PRELID2: variants seen among roughly 807,000 people sequenced by gnomAD.
The protein encoded by PRELID2 is PRELI domain containing 2, also known as PRELI domain-containing protein 2.
PRELID2 carries 25 observed loss-of-function variants against 28.4 expected under a neutral mutation model. That is an observed-to-expected ratio of 0.88 (90% CI 0.64 to 1.23). The LOEUF is 1.23. PRELID2 is among the 50% of genes most tolerant of loss of function. The pLI is 0.00. For missense variants in PRELID2, 201 were observed against 214.4 expected (o/e 0.94, Z 0.39); for synonymous variants, 76 against 71.6 (o/e 1.06, Z -0.31).
At chr5:145,361,333 T>C in the PRELID2 span, among the ~76,000 whole-genome samples, 3 of 152,144 alleles carry the variant, frequency 2.0e-5, no homozygotes, top group Non-Finnish European at 2.9e-5. Flanking sequence ...AGGCAGATAA[T>C]AGCAAGGCTG....
chr5:145,517,758 T>C (rs183460380), intron 1 of PRELID2, among the ~76,000 whole-genome samples: 3 of 152,198 alleles, frequency 2.0e-5, no homozygotes, highest in East Asian at 3.9e-4. Flanking sequence ...CCATCAGTAA[T>C]AGACTGGATA....
At chr5:145,566,014 C>T (rs1376321891) in intron 1 of PRELID2, among the ~76,000 whole-genome samples, 1 of 152,178 alleles carries the variant, frequency 6.6e-6, no homozygotes, top group African/African-American at 2.4e-5. Flanking sequence ...TGGTTAAGGA[C>T]TAAGAAGTGG....
chr5:145,408,465 A>ACATATATATGTATAATATATATGTATAT, the PRELID2 span, among the ~76,000 whole-genome samples: 1 of 142,590 alleles, frequency 7.0e-6, no homozygotes, highest in Non-Finnish European at 1.5e-5. Flanking sequence ...TATATGTATA[A>ACATATATATGTATAATATATATGTATAT]TATATATATG....
chr5:145,265,322 CACAA>C, the PRELID2 span, among the ~76,000 whole-genome samples: 2 of 152,082 alleles, frequency 1.3e-5, no homozygotes, highest in Non-Finnish European at 2.9e-5. Flanking sequence ...TCATAGATGA[CACAA>C]ACAAATACAA....
intron 1 of PRELID2, among the ~76,000 whole-genome samples, chr5:145,535,296 A>AT (rs1752690203): frequency 6.6e-6 from 1 of 151,894 alleles, no homozygotes; most frequent in Non-Finnish European, 1.5e-5. Flanking sequence ...CAAAATAGAT[A>AT]TTTTTATCAC....
Position 145,782,977 on chromosome 5 carries a change from C to T in PRELID2, c.474+13465G>A, listed in dbSNP as rs554566207. 1.9e-4 allele frequency among the ~76,000 whole-genome samples: 29 copies of T among 152,348 alleles called. No individual in the cohort carries two copies. In the East Asian group the frequency reaches 2.9e-3, roughly 15 times the overall value. On this transcript the variant is annotated intron_variant, in intron 5 of 6. Coordinates refer to ENST00000683046, the MANE Select transcript of PRELID2 (RefSeq NM_205846.3). ...AGCAACTAGCTCAAGCAACACAGCC[C>T]TCAGAGAGCGGCCAAGACAGGGCCA...
the PRELID2 span, among the ~76,000 whole-genome samples, chr5:145,302,440 A>G: frequency 6.6e-6 from 1 of 151,752 alleles, no homozygotes; most frequent in Non-Finnish European, 1.5e-5. Flanking sequence ...GACTGGCCAA[A>G]TTTTATCTTT....
intron 1 of PRELID2, among the ~76,000 whole-genome samples, chr5:145,713,039 G>A (rs906426055): frequency 6.6e-6 from 1 of 151,666 alleles, no homozygotes; most frequent in Non-Finnish European, 1.5e-5. Context: ...ATAAAGAAGA[G>A]AAGAACAACA....
At chr5:145,390,474 T>C in the PRELID2 span, among the ~76,000 whole-genome samples, 1 of 152,224 alleles carries the variant, frequency 6.6e-6, no homozygotes, top group East Asian at 1.9e-4. Context: ...GGAAGCCCCT[T>C]ATAAAACCAT....
intron 1 of PRELID2, among the ~76,000 whole-genome samples, chr5:145,829,189 C>G (rs1266342077): frequency 1.3e-5 from 2 of 152,128 alleles, no homozygotes; most frequent in African/African-American, 2.4e-5. Flanking sequence ...GCATGAGCCA[C>G]CATGCCTGGC....
intron 1 of PRELID2, among the ~76,000 whole-genome samples, chr5:145,610,168 C>G (rs1227300239): frequency 1.3e-5 from 2 of 152,134 alleles, no homozygotes; most frequent in East Asian, 3.9e-4. Flanking sequence ...GGGTGTGAAT[C>G]CCCTGGGGGG....
At chr5:145,738,045 C>A (rs934832201) in intron 1 of PRELID2, among the ~76,000 whole-genome samples, 1 of 152,170 alleles carries the variant, frequency 6.6e-6, no homozygotes, top group Non-Finnish European at 1.5e-5. Flanking sequence ...CACTTCTACC[C>A]TTCCCAGGGT....
chr5:145,320,764 T>A, the PRELID2 span, among the ~76,000 whole-genome samples: 38 of 152,304 alleles, frequency 2.5e-4, no homozygotes, highest in African/African-American at 8.7e-4. Context: ...AAAAAATATG[T>A]GCTGACTTTT....
intron 1 of PRELID2, among the ~76,000 whole-genome samples, chr5:145,667,175 T>C (rs1042573867): frequency 6.6e-6 from 1 of 152,118 alleles, no homozygotes; most frequent in Non-Finnish European, 1.5e-5. Context: ...AAGAAGATTG[T>C]ATGAATATTA....
rs1755863666 is a variant in PRELID2 at position 145,835,229 on chromosome 5, T to G, written c.23A>C (p.His8Pro). MGVSVDV[H>P]QVYKYPFEQV... ...CTCGAAGGGGTACTTGTACACCTGG[T>G]GCACATCCACCGAGACCCCCATCCC... is the stretch of plus-strand genomic sequence containing the variant. The change falls in exon 1 of 7, where the codon CAC becomes CCC. Residue 8 changes from histidine to proline, a missense_variant. Physicochemically the swap from His to Pro is moderately conservative, Grantham distance 77. Transcript: ENST00000683046. 1 of 1,548,544 alleles carries G rather than the reference T, an allele frequency of 6.5e-7. No individual in the cohort carries two copies. Among genetic ancestry groups the G allele is most frequent in the African/African-American group, 1.4e-5 (1 of 72,702 alleles).
At chr5:145,289,292 C>A in the PRELID2 span, among the ~76,000 whole-genome samples, 2 of 152,114 alleles carry the variant, frequency 1.3e-5, no homozygotes, top group African/African-American at 4.8e-5. Flanking sequence ...CTCTTTCTGA[C>A]CTTTCTGTTA....
the PRELID2 span, among the ~76,000 whole-genome samples, chr5:145,245,964 G>A: frequency 6.6e-6 from 1 of 151,714 alleles, no homozygotes; most frequent in Admixed American, 6.6e-5. Flanking sequence ...AGAATCCTCT[G>A]GAAAGAGGAC....
chr5:145,280,815 A>C, the PRELID2 span, among the ~76,000 whole-genome samples: 1 of 151,872 alleles, frequency 6.6e-6, no homozygotes, highest in Non-Finnish European at 1.5e-5. Context: ...AAAAAAAAAA[A>C]AACAGATTGC....
intron 4 of PRELID2, among the ~76,000 whole-genome samples, chr5:145,812,221 C>T (rs9324994): frequency 0.022 from 3,360 of 151,764 alleles, 110 homozygotes; most frequent in African/African-American, 0.072. Context: ...CAAATTAGTA[C>T]GCTGATCCTA....
Sources: gnomAD v4.1 joint callset for allele counts (sites outside exome capture counted in the v4.1 genomes callset) on GRCh38, gnomAD v4.1.1 for gene constraint, MANE v1.5 for transcripts, NCBI Gene and HGNC (gene_info 2026-07-23, HGNC 2026-07-21) for gene names.